The following TMEM63C variants were observed in gnomAD, a reference collection of about 807,000 sequenced individuals.
The protein encoded by TMEM63C is transmembrane protein 63C.
In TMEM63C, 32 loss-of-function variants were observed where a neutral mutation model predicts 99.2. That is an observed-to-expected ratio of 0.32 (90% CI 0.24 to 0.43). The LOEUF (loss-of-function observed/expected upper bound fraction) is 0.43, where lower values mean the gene tolerates loss of function less well. Ranked by LOEUF, TMEM63C falls within the 20% of genes least tolerant of loss-of-function variation. TMEM63C has a pLI of 1.00. For missense variants in TMEM63C, 826 were observed against 1,053.0 expected (o/e 0.78, Z 2.98); for synonymous variants, 376 against 397.9 (o/e 0.94, Z 0.66).
chr14:77,199,124 G>T (rs914170259), intron 1 of TMEM63C, among the ~76,000 whole-genome samples: 2 of 152,192 alleles, frequency 1.3e-5, no homozygotes, highest in African/African-American at 4.8e-5. Flanking sequence ...GGTGCCGGAG[G>T]AGCTGCGTTA....
chr14:77,249,360 A>G lies in TMEM63C; in HGVS notation c.1940A>G (p.Lys647Arg). The G allele has an allele frequency of 6.2e-7, 1 of 1,613,902 alleles. No homozygotes were observed. Among genetic ancestry groups the G allele is most frequent in the Non-Finnish European group, 8.5e-7 (1 of 1,179,858 alleles). The part of the protein sequence containing the change: ...YNMYYSFAPT[K>R]LNEQIHMAAV... The stretch of plus-strand genomic sequence containing the variant: ...ATGTACTACTCCTTTGCACCCACCA[A>G]ACTGAACGAGCAGATCCACATGGCT... The change falls in exon 21 of 24, where the codon AAA (lysine) becomes AGA (arginine). Residue 647 changes from lysine to arginine, a missense_variant. Transcript: ENST00000298351.
chr14:77,202,273 T>G (rs1173801195), intron 1 of TMEM63C, among the ~76,000 whole-genome samples: 1 of 140,430 alleles, frequency 7.1e-6, no homozygotes, highest in East Asian at 2.1e-4. Context: ...CAAATACCCC[T>G]CAAAACATAC....
intron 1 of TMEM63C, among the ~76,000 whole-genome samples, chr14:77,207,059 G>A (rs965601337): frequency 5.9e-5 from 9 of 152,216 alleles, no homozygotes; most frequent in African/African-American, 2.2e-4. Flanking sequence ...CAGCCCCACA[G>A]CTGCCTCTGC....
intron 21 of TMEM63C, 106 bp from the exon 22 acceptor site, chr14:77,251,683 G>T: frequency 1.2e-6 from 1 of 848,656 alleles, no homozygotes. Context: ...GGACTGGCAA[G>T]GTCAAAGCCC....
intron 18 of TMEM63C, 142 bp from the exon 19 acceptor site, chr14:77,248,205 G>A (rs1363405258): frequency 1.4e-6 from 1 of 722,672 alleles, no homozygotes; most frequent in African/African-American, 1.8e-5. Flanking sequence ...AGAAAGAGAG[G>A]AAATGTTATT....
chr14:77,237,728 G>T (rs1048930136), intron 9 of TMEM63C, among the ~76,000 whole-genome samples: 1 of 151,062 alleles, frequency 6.6e-6, no homozygotes, highest in Non-Finnish European at 1.5e-5. Context: ...GAAGCATGCT[G>T]CAGGTGTTGG....
chr14:77,222,055 C>T (rs1472879046), intron 5 of TMEM63C, among the ~76,000 whole-genome samples: 3 of 152,190 alleles, frequency 2.0e-5, no homozygotes, highest in Non-Finnish European at 4.4e-5. Flanking sequence ...ACTTCCTTTG[C>T]CATCTCTACA....
intron 1 of TMEM63C, among the ~76,000 whole-genome samples, chr14:77,190,187 T>C (rs980096192): frequency 2.6e-5 from 4 of 152,140 alleles, no homozygotes; most frequent in African/African-American, 9.7e-5. Flanking sequence ...TAGCTGAAAC[T>C]GATGATTTTT....
intron 1 of TMEM63C, among the ~76,000 whole-genome samples, chr14:77,196,530 C>T (rs186086903): frequency 6.1e-4 from 93 of 152,332 alleles, no homozygotes; most frequent in African/African-American, 2.1e-3. Flanking sequence ...GAAATTCCCC[C>T]GGGGCTGAGC....
chr14:77,189,873 T>C (rs902159285), intron 1 of TMEM63C, among the ~76,000 whole-genome samples: 1 of 152,206 alleles, frequency 6.6e-6, no homozygotes, highest in Non-Finnish European at 1.5e-5. Context: ...CTGAAATGTT[T>C]GTTGACTGAC....
At chr14:77,254,441 T>C (rs1486385703) in intron 23 of TMEM63C, among the ~76,000 whole-genome samples, 1 of 152,174 alleles carries the variant, frequency 6.6e-6, no homozygotes, top group South Asian at 2.1e-4. Context: ...AGTAGGTGCT[T>C]CCATAATGAA....
intron 1 of TMEM63C, among the ~76,000 whole-genome samples, chr14:77,190,831 C>A (rs1384735738): frequency 2.6e-5 from 4 of 151,934 alleles, no homozygotes; most frequent in African/African-American, 9.7e-5. Flanking sequence ...TAAACACACA[C>A]AAGGAAAGAA....
chr14:77,239,827 C>T (rs1889133530), intron 12 of TMEM63C, 101 bp downstream of exon 12: 2 of 1,465,730 alleles, frequency 1.4e-6, no homozygotes, highest in Middle Eastern at 2.2e-4. Flanking sequence ...AGGCCTCACT[C>T]AGGTCTGCTC....
At chr14:77,254,873 C>A (rs1181373166) in intron 23 of TMEM63C, among the ~76,000 whole-genome samples, 5 of 152,174 alleles carry the variant, frequency 3.3e-5, no homozygotes, top group Non-Finnish European at 7.3e-5. Flanking sequence ...CCAGAGATGA[C>A]CACTGATAGT....
rs1594871117 is a variant in TMEM63C at position 77,252,722 on chromosome 14, A to G, written c.2149-583A>G. ...AGCCTGAGGAGGGACTCGGAGGAGG[A>G]TCTCTTTGCTTCTGGTGTCTCTGTC... On this transcript the variant is annotated intron_variant, in intron 22 of 23. Transcript: ENST00000298351. 2.0e-5 allele frequency among the ~76,000 whole-genome samples: 3 copies of G among 152,296 alleles called. No individual in the cohort carries two copies. In the South Asian group the frequency reaches 6.2e-4, roughly 32 times the overall value.
intron 1 of TMEM63C, among the ~76,000 whole-genome samples, chr14:77,182,335 T>C (rs1423561994): frequency 1.3e-5 from 2 of 152,114 alleles, no homozygotes; most frequent in Non-Finnish European, 2.9e-5. Flanking sequence ...TCCGCCGTTA[T>C]GGGTTATGAC....
At chr14:77,193,009 C>G (rs1377687132) in intron 1 of TMEM63C, among the ~76,000 whole-genome samples, 1 of 152,052 alleles carries the variant, frequency 6.6e-6, no homozygotes, top group Non-Finnish European at 1.5e-5. Context: ...TAAATAAACT[C>G]AAAAAGAGAT....
chr14:77,193,310 T>G (rs921305596), intron 1 of TMEM63C, among the ~76,000 whole-genome samples: 8 of 152,224 alleles, frequency 5.3e-5, no homozygotes, highest in African/African-American at 1.9e-4. Flanking sequence ...TCACCCTCAT[T>G]GGAGGACAAT....
Position 77,233,462 on chromosome 14 carries a change from T to C in TMEM63C, c.504T>C (p.Ser168=). 6.2e-7 allele frequency: 1 copy of C among 1,613,500 alleles called. No homozygotes were observed. Among genetic ancestry groups the C allele is most frequent in the South Asian group, 1.1e-5 (1 of 90,918 alleles). The change falls in exon 8 of 24, where the codon AGT becomes AGC. Residue 168 remains serine, a synonymous_variant. Coordinates refer to ENST00000298351, the MANE Select transcript of TMEM63C (RefSeq NM_020431.4). ...TTCTTTCTCTTTCAGACTGGAGCAG[T>C]CACTTTGCTCGGACCACCATTGTCA... The part of the protein sequence containing the change: ...NYTGSVLDWS[S]HFARTTIVNV...
Sources: allele counts gnomAD v4.1 joint callset (sites outside exome capture counted in the v4.1 genomes callset), GRCh38; gene constraint gnomAD v4.1.1; transcripts MANE v1.5; gene names NCBI Gene and HGNC (gene_info 2026-07-23, HGNC 2026-07-21).